Variants in SLC24A3 observed in about 807,000 individuals in gnomAD.
The protein encoded by SLC24A3 is sodium/potassium/calcium exchanger 3.
A neutral mutation model predicts 75.8 loss-of-function variants in SLC24A3; 28 were observed. That is an observed-to-expected ratio of 0.37 (90% CI 0.27 to 0.51). The LOEUF (loss-of-function observed/expected upper bound fraction) is 0.51. Ranked by LOEUF, SLC24A3 falls within the 20% of genes least tolerant of loss-of-function variation. SLC24A3 has a pLI of 0.94. For missense variants in SLC24A3, 663 were observed against 847.8 expected (o/e 0.78, Z 2.71); for synonymous variants, 372 against 334.1 (o/e 1.11, Z -1.24).
chr20:19,419,992 C>T (rs2122434509), intron 2 of SLC24A3, among the ~76,000 whole-genome samples: 1 of 97,744 alleles, frequency 1.0e-5, no homozygotes. Context: ...CCCGACCCCA[C>T]CACAGTCCCC....
At chr20:19,236,679 C>T (rs1316269944) in intron 1 of SLC24A3, among the ~76,000 whole-genome samples, 2 of 152,242 alleles carry the variant, frequency 1.3e-5, no homozygotes, top group East Asian at 3.9e-4. Flanking sequence ...TCATTTGAGC[C>T]CAGGCGTTTG....
chr20:19,454,131 G>C (rs931307605), intron 2 of SLC24A3, among the ~76,000 whole-genome samples: 4 of 152,276 alleles, frequency 2.6e-5, no homozygotes, highest in African/African-American at 9.6e-5. Flanking sequence ...TGATTTAGAG[G>C]CGGGTCTGAT....
intron 9 of SLC24A3, among the ~76,000 whole-genome samples, chr20:19,680,277 G>A (rs2032598668): frequency 6.6e-6 from 1 of 152,190 alleles, no homozygotes; most frequent in Non-Finnish European, 1.5e-5. Flanking sequence ...GTTGGAAACT[G>A]TTGATTATAT....
At chr20:19,317,176 G>C (rs1490570642) in intron 2 of SLC24A3, among the ~76,000 whole-genome samples, 2 of 152,030 alleles carry the variant, frequency 1.3e-5, no homozygotes, top group Non-Finnish European at 2.9e-5. Context: ...AATTCCAGAT[G>C]GATTAAAAAC....
chr20:19,314,490 T>C (rs989792471), intron 2 of SLC24A3, among the ~76,000 whole-genome samples: 18 of 151,804 alleles, frequency 1.2e-4, no homozygotes, highest in African/African-American at 3.4e-4. Flanking sequence ...AATTTTTGTA[T>C]TTTTTATAGA....
chr20:19,332,123 T>C (rs540578376), intron 2 of SLC24A3, among the ~76,000 whole-genome samples: 127 of 152,290 alleles, frequency 8.3e-4, no homozygotes, highest in African/African-American at 2.9e-3. Flanking sequence ...TTGTCTGCCA[T>C]GGTAAGGAGT....
At chr20:19,289,974 G>T (rs564273172) in intron 2 of SLC24A3, among the ~76,000 whole-genome samples, 35 of 152,184 alleles carry the variant, frequency 2.3e-4, no homozygotes, top group Non-Finnish European at 3.7e-4. Flanking sequence ...TCAGCCTTAG[G>T]TCACATAATC....
chr20:19,336,089 G>A (rs1985125365), intron 2 of SLC24A3, among the ~76,000 whole-genome samples: 1 of 143,060 alleles, frequency 7.0e-6, no homozygotes, highest in African/African-American at 2.9e-5. Context: ...ATATCACTTA[G>A]AAGTAAGACT....
intron 2 of SLC24A3, among the ~76,000 whole-genome samples, chr20:19,491,609 C>T (rs1215298936): frequency 6.6e-6 from 1 of 152,196 alleles, no homozygotes; most frequent in African/African-American, 2.4e-5. Flanking sequence ...CCCATACCTC[C>T]TCTACCCTCC....
intron 3 of SLC24A3, among the ~76,000 whole-genome samples, chr20:19,555,848 C>T (rs2030774028): frequency 6.6e-6 from 1 of 152,276 alleles, no homozygotes; most frequent in African/African-American, 2.4e-5. Context: ...CTGGTAGTCA[C>T]AAAGATGTAC....
At chr20:19,285,274 T>C (rs1309294868) in intron 2 of SLC24A3, among the ~76,000 whole-genome samples, 4 of 152,090 alleles carry the variant, frequency 2.6e-5, no homozygotes, top group African/African-American at 9.7e-5. Context: ...GGCCAGGAGT[T>C]CGGGACCAGC....
chr20:19,710,801 G>T (rs956307240), intron 15 of SLC24A3, among the ~76,000 whole-genome samples: 1 of 152,150 alleles, frequency 6.6e-6, no homozygotes, highest in African/African-American at 2.4e-5. Context: ...TTGAAGTGTG[G>T]ATTACATGAG....
intron 2 of SLC24A3, among the ~76,000 whole-genome samples, chr20:19,496,467 C>T (rs6112415): frequency 0.059 from 8,991 of 152,212 alleles, 794 homozygotes; most frequent in African/African-American, 0.2. Context: ...CACCCTCCAG[C>T]CTGCACTCCT....
intron 2 of SLC24A3, among the ~76,000 whole-genome samples, chr20:19,505,317 G>A (rs1303322091): frequency 6.6e-6 from 1 of 152,194 alleles, no homozygotes; most frequent in Non-Finnish European, 1.5e-5. Context: ...TATCTAGATT[G>A]CAAATCCACC....
intron 2 of SLC24A3, among the ~76,000 whole-genome samples, chr20:19,331,655 T>C (rs941164044): frequency 2.6e-5 from 4 of 152,176 alleles, no homozygotes; most frequent in African/African-American, 7.2e-5. Context: ...CCCTTTTTAT[T>C]GACTGATTGA....
At chr20:19,471,990 A>G (rs976372466) in intron 2 of SLC24A3, among the ~76,000 whole-genome samples, 7 of 152,174 alleles carry the variant, frequency 4.6e-5, no homozygotes, top group Non-Finnish European at 1.0e-4. Context: ...TTAAATCCCA[A>G]GTTCTCCTGG....
intron 12 of SLC24A3, among the ~76,000 whole-genome samples, chr20:19,692,649 G>T (rs2122133634): frequency 6.6e-6 from 1 of 152,320 alleles, no homozygotes; most frequent in East Asian, 1.9e-4. Context: ...TATCTGGATT[G>T]CATTGAGGAA....
At chr20:19,679,560 GGAGA>G in intron 9 of SLC24A3, among the ~76,000 whole-genome samples, 2 of 148,082 alleles carry the variant, frequency 1.4e-5, no homozygotes, top group Admixed American at 1.3e-4. Flanking sequence ...AGAGGGAGAG[GGAGA>G]GGGAGACGGA....
chr20:19,248,123 A>G (rs1982548373), intron 1 of SLC24A3, among the ~76,000 whole-genome samples: 2 of 152,026 alleles, frequency 1.3e-5, no homozygotes, highest in South Asian at 4.1e-4. Context: ...CCAAAAATAG[A>G]AAAAAACAAA....
Sources: allele counts gnomAD v4.1 joint callset (sites outside exome capture counted in the v4.1 genomes callset), GRCh38; gene constraint gnomAD v4.1.1; transcripts MANE v1.5; gene names NCBI Gene and HGNC (gene_info 2026-07-23, HGNC 2026-07-21).